The following TMEM200C variants were observed in gnomAD, a reference collection of about 807,000 sequenced individuals.
TMEM200C encodes the protein transmembrane protein TTMA.
For synonymous variants in TMEM200C, 462 were observed against 324.7 expected, an observed-to-expected ratio of 1.42 and a Z score of -4.55; for missense variants, 966 against 699.9, an observed-to-expected ratio of 1.38 and a Z score of -4.29.
chr18:5,890,732 G>A, exon 3 of TMEM200C: 1 of 547,498 alleles, frequency 1.8e-6, no homozygotes, highest in Admixed American at 3.4e-5. Flanking sequence ...CCGCTACCGC[G>A]CCCTCGGGCT....
rs1356262863 is a variant in TMEM200C at position 5,892,057 on chromosome 18, C to T, written c.7G>A (p.Ala3Thr). Residue 3 changes from alanine (A) to threonine (T), a missense_variant, in exon 3 of 3, where the codon GCC (alanine) becomes ACC (threonine). Transcript: ENST00000581347. ...GAAATCCTTAGCAGGCCGCCGGTGG[C>T]GATCATGGCGAGCTCCTGGAGTGCA... 5.0e-6 allele frequency: 8 copies of T among 1,611,730 alleles called. No homozygotes were observed. The South Asian group carries it at 5.5e-5, about 11-fold the overall frequency.
exon 3 of TMEM200C, chr18:5,890,444 C>T: frequency 1.3e-6 from 2 of 1,578,542 alleles, no homozygotes; most frequent in Non-Finnish European, 1.7e-6. Flanking sequence ...CGGCCTCCCG[C>T]AGGGGTGTGT....
chr18:5,890,944 A>G, exon 3 of TMEM200C: 1 of 669,548 alleles, frequency 1.5e-6, no homozygotes, highest in Non-Finnish European at 2.7e-6. Context: ...CTCAGCGAGG[A>G]GTCCACGAAG....
At chr18:5,889,929 A>C (rs1268844658) in exon 3 of TMEM200C, 2 of 329,104 alleles carry the variant, frequency 6.1e-6, no homozygotes, top group Non-Finnish European at 1.1e-5. Flanking sequence ...CTAATGGACT[A>C]GATTGCTGAC....
rs974473382 is a variant in TMEM200C, at chr18:5,891,880, C to T, written c.184G>A (p.Val62Met). Residue 62 changes from valine (V) to methionine (M), a missense_variant, in exon 3 of 3, where the codon GTG (valine) becomes ATG (methionine). Val to Met is a conservative substitution (Grantham distance 21). Coordinates refer to ENST00000581347, the Ensembl canonical transcript of TMEM200C. This position sits in a 1 kb window ranked among gnomAD's most constrained non-coding sequence, Gnocchi z 4.7. ...GCCATGGCTATGCCCACCAGCAGCACCAGGATCCCACAGAGGGCGATGAGC... is the reference window on the plus strand; with the variant it reads ...GCCATGGCTATGCCCACCAGCAGCATCAGGATCCCACAGAGGGCGATGAGC... The T allele has an allele frequency of 6.2e-6, 10 of 1,612,118 alleles. No individual in the cohort carries two copies. The African/African-American group carries it at 9.3e-5, about 15-fold the overall frequency.
At position 5,890,556 on chromosome 18, in the gene TMEM200C, GC is replaced by G; in HGVS notation, c.1507del (p.Ala503ProfsTer52). On this transcript the variant is annotated frameshift_variant, in exon 3 of 3. Transcript: ENST00000581347. LOFTEE classifies it low-confidence loss of function (END_TRUNC). ...CCGCAGGGGTGGCGAGGGGGAGGCGGCCTTGGCCAGAGGGCTGGAGTCCGGG... is the reference window on the plus strand; with the variant it reads ...CCGCAGGGGTGGCGAGGGGGAGGCGGCTTGGCCAGAGGGCTGGAGTCCGGG... 1 of 1,426,272 alleles carries G rather than the reference GC, an allele frequency of 7.0e-7. No homozygotes were observed. The highest frequency in any genetic ancestry group is 9.2e-7 in the Non-Finnish European group (1 of 1,088,132). The allele number at this position is 1,426,272 out of a possible 1,614,324, so 88.4% of individuals were successfully genotyped here. A position where few individuals can be genotyped will look rare whatever the true frequency, so the allele number is the denominator to read the frequency against.
Position 5,891,612 on chromosome 18 carries a change from A to C in TMEM200C, c.452T>G (p.Phe151Cys), listed in dbSNP as rs112950542. 799 of 1,613,814 alleles carry C rather than the reference A, an allele frequency of 5.0e-4. 3 individuals carry two copies. The highest frequency in any genetic ancestry group is 6.3e-4 in the Non-Finnish European group (749 of 1,179,824). ...GTAGCCAGAGAAGATGCGGAAGAAG[A>C]AGCCCACGGACGTGGAGGAGGAGGA... The change falls in exon 3 of 3, where the codon TTC becomes TGC. Residue 151 changes from phenylalanine to cysteine, a missense_variant. Transcript: ENST00000581347. The surrounding 1 kb of genome is among the most constrained non-coding windows in gnomAD (Gnocchi z 4.7).
exon 3 of TMEM200C, chr18:5,882,753 G>A (rs532911613): frequency 1.3e-5 from 2 of 152,094 alleles, no homozygotes; most frequent in African/African-American, 2.4e-5. Context: ...TTTTAAAGTA[G>A]TAATCCCAAG....
chr18:5,892,491 G>A (rs2095172285), intron 2 of TMEM200C, among the ~76,000 whole-genome samples: 1 of 152,162 alleles, frequency 6.6e-6, no homozygotes, highest in African/African-American at 2.4e-5. Flanking sequence ...GAACAATGGA[G>A]TTCCAACCAT....
At chr18:5,890,187 C>T in exon 3 of TMEM200C, 9 of 1,518,440 alleles carry the variant, frequency 5.9e-6, no homozygotes, top group Non-Finnish European at 8.0e-6. Context: ...CTCCCCAACC[C>T]ACCCCTTTCT....
exon 3 of TMEM200C, chr18:5,890,735 C>A: frequency 1.7e-6 from 1 of 572,952 alleles, no homozygotes; most frequent in Non-Finnish European, 3.1e-6. Flanking sequence ...CTACCGCGCC[C>A]TCGGGCTCCT....
At chr18:5,892,510 C>A (rs2095172309) in intron 2 of TMEM200C, among the ~76,000 whole-genome samples, 1 of 152,094 alleles carries the variant, frequency 6.6e-6, no homozygotes, top group Non-Finnish European at 1.5e-5. Flanking sequence ...ATTAGTAAAA[C>A]CTAAATGTAG....
At position 5,890,371 on chromosome 18, in the gene TMEM200C, C is replaced by T. The variant is rs1355292455; in HGVS notation, c.1693G>A (p.Ala565Thr). ...CTCTGCTCCGCACCCAGAACGGGGG[C>T]GGCCACAGCAGAGTCTCGCGTTTGA... Residue 565 changes from alanine to threonine, a missense_variant, in exon 3 of 3, where the codon GCC (alanine) becomes ACC (threonine). Coordinates refer to ENST00000581347, the Ensembl canonical transcript of TMEM200C. The T allele has an allele frequency of 5.0e-6, 8 of 1,591,488 alleles. No homozygotes were observed. In the East Asian group the frequency reaches 1.8e-4, roughly 36 times the overall value.
chr18:5,890,182 C>A, exon 3 of TMEM200C: 1 of 1,507,156 alleles, frequency 6.6e-7, no homozygotes, highest in South Asian at 1.4e-5. Flanking sequence ...TCCTCCTCCC[C>A]AACCCACCCC....
chr18:5,895,791 C>T (rs896156812), intron 1 of TMEM200C: 1 of 151,162 alleles, frequency 6.6e-6, no homozygotes, highest in African/African-American at 2.4e-5. Context: ...TCTCCCCGCC[C>T]CGGGGCGCCC....
At chr18:5,887,742 T>TAG (rs1226340322) in exon 3 of TMEM200C, 2 of 152,220 alleles carry the variant, frequency 1.3e-5, no homozygotes, top group Non-Finnish European at 2.9e-5. Flanking sequence ...GAGTGAAAAT[T>TAG]AGCATTATTG....
In TMEM200C at chr18:5,891,732, T is replaced by C. The variant is rs905969142; in HGVS notation, c.332A>G (p.Asn111Ser). Residue 111 changes from asparagine (N) to serine (S), a missense_variant, in exon 3 of 3, where the codon AAC becomes AGC. Physicochemically the swap from Asn to Ser is conservative, Grantham distance 46. Coordinates refer to ENST00000581347, the Ensembl canonical transcript of TMEM200C. The surrounding 1 kb of genome is among the most constrained non-coding windows in gnomAD (Gnocchi z 4.7). ...AGCCCTAGGGTGGCTCCTGGACCGG[T>C]TTTTGCTGCCACTGCTACTGCTGTT... 1 of 1,611,958 alleles carries C rather than the reference T, an allele frequency of 6.2e-7. No homozygotes were observed. Among genetic ancestry groups the C allele is most frequent in the Non-Finnish European group, 8.5e-7 (1 of 1,179,684 alleles).
intron 1 of TMEM200C, among the ~76,000 whole-genome samples, 121 bp from the exon 1 acceptor site, chr18:5,895,643 T>TCCGCCGC (rs1490995872): frequency 2.3e-5 from 3 of 132,478 alleles, no homozygotes; most frequent in Non-Finnish European, 3.2e-5. Flanking sequence ...CCCCGCGTCC[T>TCCGCCGC]CCGCCGCCCG....
rs2095171090 is a variant in TMEM200C, at chr18:5,891,567, T to C, written c.497A>G (p.Lys166Arg). 1 of 1,613,574 alleles carries C rather than the reference T, an allele frequency of 6.2e-7. No individual in the cohort carries two copies. The highest frequency in any genetic ancestry group is 1.3e-5 in the African/African-American group (1 of 74,878). The change falls in exon 3 of 3, where the codon AAG (lysine) becomes AGG (arginine). Residue 166 changes from lysine to arginine, a missense_variant. By Grantham distance (26) the Lys-to-Arg change is conservative (BLOSUM62 2). Transcript: ENST00000581347. This position sits in a 1 kb window ranked among gnomAD's most constrained non-coding sequence, Gnocchi z 4.7. ...GCCCATGATGAGGGGCCCGAAGACC[T>C]TGAGCTTGTCAGAGTGCAGGTAGCC...
Sources: allele counts gnomAD v4.1 joint callset (sites outside exome capture counted in the v4.1 genomes callset), GRCh38; gene constraint gnomAD v4.1.1; non-coding constraint Gnocchi (gnomAD v3.1); transcripts MANE v1.5; gene names NCBI Gene and HGNC (gene_info 2026-07-23, HGNC 2026-07-21).